Variants in FBXO16 observed in about 807,000 individuals in gnomAD.
FBXO16 encodes F-box only protein 16.
A neutral mutation model predicts 41.0 loss-of-function variants in FBXO16; 31 were observed. The observed-to-expected ratio is 0.76, with a 90% CI of 0.57 to 1.02. The LOEUF is 1.02. Among genes scored for constraint, FBXO16 ranks in the 50% least tolerant of loss-of-function variants. The pLI, the probability that FBXO16 is intolerant of heterozygous loss-of-function variation, is 0.00. For missense variants in FBXO16, 361 were observed against 346.2 expected (o/e 1.04, Z -0.34); for synonymous variants, 133 against 117.8 (o/e 1.13, Z -0.84).
chr8:28,447,544 G>C, intron 6 of FBXO16: 1 of 385,768 alleles, frequency 2.6e-6, no homozygotes, highest in South Asian at 3.0e-5. Context: ...GTTACATTAA[G>C]AAAGAAGGGT....
In FBXO16 at chr8:28,452,361, T is replaced by G; in HGVS notation, c.623A>C (p.Lys208Thr). The G allele has an allele frequency of 6.2e-7, 1 of 1,614,244 alleles. No individual in the cohort carries two copies. Among genetic ancestry groups the G allele is most frequent in the African/African-American group, 1.3e-5 (1 of 75,066 alleles). ...AFRSSSSLRK[K>T]NNSGEKALPP... is the part of the protein sequence containing the mutation. Reference sequence around the variant, plus strand: ...AAGTGCTTTCTCCCCTGAGTTATTCTTCTTTCTTAAAGAGGAAGAGGACCG... The same window carrying G: ...AAGTGCTTTCTCCCCTGAGTTATTCGTCTTTCTTAAAGAGGAAGAGGACCG... Residue 208 changes from lysine to threonine, a missense_variant, in exon 6 of 9, where the codon AAG becomes ACG. By Grantham distance (78) the Lys-to-Thr change is moderately conservative (BLOSUM62 -1). Transcript: ENST00000380254.
At chr8:28,477,949 G>T (rs1803449524) in intron 2 of FBXO16, among the ~76,000 whole-genome samples, 2 of 152,146 alleles carry the variant, frequency 1.3e-5, no homozygotes. Flanking sequence ...GGAGGTGGAG[G>T]CTGCAGTGAG....
intron 4 of FBXO16, among the ~76,000 whole-genome samples, chr8:28,457,987 C>A (rs1027531061): frequency 6.6e-6 from 1 of 152,150 alleles, no homozygotes; most frequent in Non-Finnish European, 1.5e-5. Context: ...AAACTAGGAT[C>A]AAGTTCACAT....
In FBXO16 at chr8:28,428,541, T is replaced by C. The variant is rs1216616729; in HGVS notation, c.*186A>G. The C allele has an allele frequency of 1.3e-6, 2 of 1,541,362 alleles. No individual in the cohort carries two copies. The highest frequency in any genetic ancestry group is 1.4e-5 in the African/African-American group (1 of 72,670). On this transcript the variant is annotated 3_prime_UTR_variant, in exon 9 of 9. Coordinates refer to ENST00000380254, the MANE Select transcript of FBXO16 (RefSeq NM_172366.4). ...TGTGCAAAGCATCTTGTCATTTCTA[T>C]AATAAAAGTCTTTCCATGTTCAGTC...
At chr8:28,437,339 A>G (rs545192648) in intron 7 of FBXO16, among the ~76,000 whole-genome samples, 18 of 152,338 alleles carry the variant, frequency 1.2e-4, no homozygotes, top group African/African-American at 3.8e-4. Flanking sequence ...ACAAGACACA[A>G]CAAGTAAACT....
chr8:28,461,083 C>CT (rs60769796), intron 4 of FBXO16, among the ~76,000 whole-genome samples: 2,344 of 136,418 alleles, frequency 0.017, 29 homozygotes, highest in Admixed American at 0.02. Context: ...TATACCTCTG[C>CT]TTTTTTTTTT....
Position 28,482,696 on chromosome 8 carries a change from G to A in FBXO16, c.99+652C>T, listed in dbSNP as rs535589848. Among the ~76,000 whole-genome samples the A allele has an allele frequency of 3.3e-5, 5 of 151,840 alleles. No homozygotes were observed. In the South Asian group the frequency reaches 6.3e-4, roughly 19 times the overall value. ...AGCGATTCTCCCGCCTCAGCCTCCC[G>A]AGTAGCTGGGATTACAGGTACACAC... On this transcript the variant is annotated intron_variant, in intron 2 of 8. Coordinates refer to ENST00000380254, the MANE Select transcript of FBXO16 (RefSeq NM_172366.4).
intron 4 of FBXO16, among the ~76,000 whole-genome samples, chr8:28,459,623 A>AATAAT (rs1803091755): frequency 7.3e-6 from 1 of 137,884 alleles, no homozygotes; most frequent in Non-Finnish European, 1.5e-5. Flanking sequence ...CCTGTCTCAA[A>AATAAT]AATAATAATA....
intron 3 of FBXO16, chr8:28,465,102 T>G (rs62502436): frequency 0.035 from 5,355 of 153,508 alleles, 103 homozygotes; most frequent in African/African-American, 0.044. Context: ...TATTTTAAAT[T>G]TATTTGATTT....
chr8:28,469,934 T>G (rs1229211521), intron 3 of FBXO16, among the ~76,000 whole-genome samples: 2 of 119,802 alleles, frequency 1.7e-5, no homozygotes, highest in East Asian at 2.5e-4. Context: ...CCGGGCGCGG[T>G]GGGCTCACGC....
intron 7 of FBXO16, among the ~76,000 whole-genome samples, chr8:28,444,726 C>T (rs540947787): frequency 1.1e-4 from 17 of 150,656 alleles, no homozygotes; most frequent in African/African-American, 4.2e-4. Context: ...ACAATCTGCC[C>T]ACCTCGGCCT....
rs1026686323 is a variant in FBXO16, at chr8:28,436,374, T to C, written c.844-6971A>G. Among the ~76,000 whole-genome samples, 8 of 152,332 alleles carry C rather than the reference T, an allele frequency of 5.3e-5. No homozygotes were observed. In the East Asian group the frequency reaches 7.7e-4, roughly 15 times the overall value. On this transcript the variant is annotated intron_variant, in intron 7 of 8. Coordinates refer to ENST00000380254, the MANE Select transcript of FBXO16 (RefSeq NM_172366.4). ...AACATTCCCTTTTACTCCCCGCTTATGCTTCTGGCGGAAACAGAGGCAAGG... is the reference window on the plus strand; with the variant it reads ...AACATTCCCTTTTACTCCCCGCTTACGCTTCTGGCGGAAACAGAGGCAAGG...
intron 4 of FBXO16, among the ~76,000 whole-genome samples, chr8:28,457,640 A>G (rs184006149): frequency 7.2e-5 from 11 of 152,332 alleles, no homozygotes; most frequent in Middle Eastern, 3.4e-3. Flanking sequence ...AACCACCCCC[A>G]TGGTTCAATT....
At chr8:28,461,387 C>T (rs1429807649) in intron 4 of FBXO16, among the ~76,000 whole-genome samples, 2 of 152,124 alleles carry the variant, frequency 1.3e-5, no homozygotes, top group Non-Finnish European at 2.9e-5. Context: ...TTCCCCACAT[C>T]CTCACCAATA....
chr8:28,481,542 T>C (rs1803512566), intron 2 of FBXO16, among the ~76,000 whole-genome samples: 1 of 152,046 alleles, frequency 6.6e-6, no homozygotes, highest in Non-Finnish European at 1.5e-5. Context: ...GCGAGTGCGG[T>C]GGCTCACGCC....
intron 1 of FBXO16, among the ~76,000 whole-genome samples, chr8:28,488,442 T>C (rs181267971): frequency 1.3e-5 from 2 of 151,000 alleles, no homozygotes; most frequent in African/African-American, 4.9e-5. Context: ...AATATAGGTG[T>C]GCACCACCAC....
At chr8:28,477,974 C>T (rs1803450012) in intron 2 of FBXO16, among the ~76,000 whole-genome samples, 1 of 152,166 alleles carries the variant, frequency 6.6e-6, no homozygotes, top group South Asian at 2.1e-4. Context: ...GATTGTGCCA[C>T]TGTACTCCAG....
At chr8:28,441,883 T>C (rs975047292) in intron 7 of FBXO16, among the ~76,000 whole-genome samples, 3 of 144,558 alleles carry the variant, frequency 2.1e-5, no homozygotes, top group African/African-American at 8.3e-5. Context: ...TATATATATA[T>C]ATATAAACTC....
At chr8:28,441,162 G>A (rs919401021) in intron 7 of FBXO16, among the ~76,000 whole-genome samples, 19 of 152,004 alleles carry the variant, frequency 1.2e-4, no homozygotes, top group Non-Finnish European at 1.0e-4. Flanking sequence ...TACTGTTCCC[G>A]CCTCTCTCCC....
Sources: gnomAD v4.1 joint callset for allele counts (sites outside exome capture counted in the v4.1 genomes callset) on GRCh38, gnomAD v4.1.1 for gene constraint, MANE v1.5 for transcripts, NCBI Gene and HGNC (gene_info 2026-07-23, HGNC 2026-07-21) for gene names.